DCAF6: variants seen among roughly 807,000 people sequenced by gnomAD.
The protein encoded by DCAF6 is DDB1- and CUL4-associated factor 6.
A neutral mutation model predicts 125.1 loss-of-function variants in DCAF6; 54 were observed. That is an observed-to-expected ratio of 0.43 (90% confidence interval 0.35 to 0.54). The LOEUF (loss-of-function observed/expected upper bound fraction) is 0.54, where lower values mean the gene tolerates loss of function less well. Among genes scored for constraint, DCAF6 ranks in the 20% least tolerant of loss-of-function variants. The pLI is 0.01. For missense variants in DCAF6, 934 were observed against 1,161.7 expected (o/e 0.80, Z 2.85); for synonymous variants, 371 against 390.4 (o/e 0.95, Z 0.58).
At position 167,993,417 on chromosome 1, in the gene DCAF6, T is replaced by C; in HGVS notation, c.880T>C (p.Ser294Pro). The change falls in exon 7 of 22, where the codon TCT becomes CCT. Residue 294 changes from serine to proline, a missense_variant. Around this residue, in one of 5 missense-constraint regions of DCAF6, gnomAD observed 309 missense variants for 381.2 expected, o/e 0.81. Transcript: ENST00000367840. Reference protein sequence around the residue: ...DDTARELKTPSAEERREELRQ... With the variant: ...DDTARELKTPPAEERREELRQ... ...TACAGCACGAGAACTTAAAACTCCT[T>C]CTGCGGAAGAGAGAAGAGAAGAGGT... is the stretch of plus-strand genomic sequence containing the variant. 6.2e-7 allele frequency: 1 copy of C among 1,613,794 alleles called. No homozygotes were observed. The highest frequency in any genetic ancestry group is 8.5e-7 in the Non-Finnish European group (1 of 1,179,744).
chr1:167,974,471 G>T (rs1043898285), intron 3 of DCAF6, among the ~76,000 whole-genome samples: 1 of 152,118 alleles, frequency 6.6e-6, no homozygotes, highest in African/African-American at 2.4e-5. Context: ...CATCCTGAAA[G>T]GGAATAACTT....
intron 21 of DCAF6, among the ~76,000 whole-genome samples, chr1:168,071,993 T>C (rs1384085355): frequency 6.6e-6 from 1 of 152,072 alleles, no homozygotes; most frequent in East Asian, 1.9e-4. Flanking sequence ...AGCTCCAATA[T>C]CACCTCCTTA....
the DCAF6 span, among the ~76,000 whole-genome samples, chr1:167,866,530 C>CAAAAAAAAAAAAAAAAAAAAAAA: frequency 9.0e-6 from 1 of 110,782 alleles, no homozygotes; most frequent in Non-Finnish European, 2.0e-5. Context: ...CTCTATGTGC[C>CAAAAAAAAAAAAAAAAAAAAAAA]AAAAAAAAAA....
At chr1:168,068,936 T>C (rs1426463348) in intron 21 of DCAF6, among the ~76,000 whole-genome samples, 2 of 152,118 alleles carry the variant, frequency 1.3e-5, no homozygotes, top group Admixed American at 1.3e-4. Flanking sequence ...CAAGAAGGAA[T>C]TGAATAATTT....
intron 3 of DCAF6, among the ~76,000 whole-genome samples, chr1:167,972,419 G>A (rs1677480569): frequency 6.6e-6 from 1 of 152,208 alleles, no homozygotes; most frequent in African/African-American, 2.4e-5. Context: ...AGCTTATTAA[G>A]GAGTTTACAT....
At chr1:167,876,646 A>G in the DCAF6 span, among the ~76,000 whole-genome samples, 1 of 152,228 alleles carries the variant, frequency 6.6e-6, no homozygotes, top group Admixed American at 6.5e-5. Context: ...CAGAGGTGGT[A>G]CAGAAAAATC....
In DCAF6 at chr1:168,043,066, G is replaced by A. The variant is rs199881227; in HGVS notation, c.1769G>A (p.Cys590Tyr). 1.2e-6 allele frequency: 2 copies of A among 1,612,872 alleles called. No homozygotes were observed. Residue 590 changes from cysteine to tyrosine, a missense_variant, in exon 14 of 22, where the codon TGC becomes TAC. Cys to Tyr is a radical substitution (Grantham distance 194). This residue lies in a region of DCAF6 where 559 missense variants were observed against 635.5 expected (regional missense o/e 0.88). Coordinates refer to ENST00000367840, the MANE Select transcript of DCAF6 (RefSeq NM_001198956.2). The part of the protein sequence containing the change: ...ASSSRGIGSH[C>Y]KSEGQEESFV... Reference sequence around the variant, plus strand: ...AGTTCTAGAGGAATTGGGAGCCATTGCAAATCTGAGGGTCAGGAGGAATCT... The same window carrying A: ...AGTTCTAGAGGAATTGGGAGCCATTACAAATCTGAGGGTCAGGAGGAATCT...
chr1:168,022,986 A>G lies in DCAF6; in HGVS notation c.1550-2A>G. 6.2e-7 allele frequency: 1 copy of G among 1,614,000 alleles called. No homozygotes were observed. The highest frequency in any genetic ancestry group is 2.2e-5 in the East Asian group (1 of 44,868). ...TAAGTTGAAATCTCATTTTTGTTTCAGATTCTCCTTCTTCTGTGGTTAACA... is the reference window on the plus strand; with the variant it reads ...TAAGTTGAAATCTCATTTTTGTTTCGGATTCTCCTTCTTCTGTGGTTAACA... On this transcript the variant is annotated splice_acceptor_variant, in intron 11 of 21. Coordinates refer to ENST00000367840, the MANE Select transcript of DCAF6 (RefSeq NM_001198956.2). LOFTEE classifies it high-confidence loss of function.
At chr1:167,920,269 A>G in the DCAF6 span, among the ~76,000 whole-genome samples, 1 of 152,250 alleles carries the variant, frequency 6.6e-6, no homozygotes, top group South Asian at 2.1e-4. Context: ...CAATTCTTAC[A>G]TGAAAGAGGA....
the DCAF6 span, among the ~76,000 whole-genome samples, chr1:167,928,544 C>T: frequency 1.1e-4 from 16 of 151,852 alleles, no homozygotes; most frequent in Admixed American, 4.6e-4. Context: ...GATATGGTAG[C>T]GAAAAAACAT....
intron 14 of DCAF6, among the ~76,000 whole-genome samples, chr1:168,043,478 A>G (rs965949721): frequency 6.6e-6 from 1 of 152,224 alleles, no homozygotes; most frequent in East Asian, 1.9e-4. Flanking sequence ...TTTTGGTTGT[A>G]TATGTGGTTT....
intron 6 of DCAF6, among the ~76,000 whole-genome samples, chr1:167,991,677 A>G (rs542088932): frequency 1.3e-5 from 2 of 152,066 alleles, no homozygotes; most frequent in African/African-American, 4.8e-5. Flanking sequence ...ATTGGTTTCT[A>G]CTGGAAGCTC....
chr1:167,894,413 T>G, the DCAF6 span, among the ~76,000 whole-genome samples: 6 of 152,132 alleles, frequency 3.9e-5, no homozygotes, highest in African/African-American at 1.4e-4. Context: ...TTTGCTGCCC[T>G]GGTTGCCTCC....
intron 13 of DCAF6, among the ~76,000 whole-genome samples, chr1:168,042,276 G>A (rs908113690): frequency 3.3e-5 from 5 of 151,724 alleles, no homozygotes; most frequent in Admixed American, 6.6e-5. Context: ...GCATTTCTAT[G>A]AACTTAATTT....
intron 4 of DCAF6, among the ~76,000 whole-genome samples, chr1:167,985,385 G>A (rs778822344): frequency 2.6e-5 from 4 of 152,108 alleles, no homozygotes; most frequent in African/African-American, 7.2e-5. Context: ...GCTTCTAGAG[G>A]CTACTTGCAT....
Position 167,989,560 on chromosome 1 carries a change from A to G in DCAF6, c.553-1644A>G, listed in dbSNP as rs554641666. The stretch of plus-strand genomic sequence containing the variant: ...GTAATGTTCTGAGATTAGTAATTGA[A>G]CAAAGTATAAGGTTAAATTGACTTA... On this transcript the variant is annotated intron_variant, in intron 5 of 21. Coordinates refer to ENST00000367840, the MANE Select transcript of DCAF6 (RefSeq NM_001198956.2). 4.1e-4 allele frequency among the ~76,000 whole-genome samples: 62 copies of G among 152,332 alleles called. No homozygotes were observed. In the South Asian group the frequency reaches 0.011, roughly 28 times the overall value.
At chr1:167,889,110 T>G in the DCAF6 span, among the ~76,000 whole-genome samples, 1 of 152,158 alleles carries the variant, frequency 6.6e-6, no homozygotes, top group Non-Finnish European at 1.5e-5. Context: ...ACTTCCAGTA[T>G]TATGTTGAAA....
chr1:167,930,469 G>T, the DCAF6 span, among the ~76,000 whole-genome samples: 2 of 152,088 alleles, frequency 1.3e-5, no homozygotes, highest in South Asian at 4.1e-4. Flanking sequence ...TAAAAAACTA[G>T]ATCCCTAAAT....
intron 3 of DCAF6, among the ~76,000 whole-genome samples, chr1:167,970,228 A>G (rs992979459): frequency 6.6e-6 from 1 of 152,106 alleles, no homozygotes; most frequent in African/African-American, 2.4e-5. Flanking sequence ...TTTCTGTTTT[A>G]TTTGCTTATT....
Sources: allele counts gnomAD v4.1 joint callset (sites outside exome capture counted in the v4.1 genomes callset), GRCh38; gene constraint gnomAD v4.1.1; regional missense constraint gnomAD v4.1.1; transcripts MANE v1.5; gene names NCBI Gene and HGNC (gene_info 2026-07-23, HGNC 2026-07-21).